The following MATCAP2 variants were observed in gnomAD, a reference collection of about 807,000 sequenced individuals.
MATCAP2 encodes putative tyrosine carboxypeptidase MATCAP2.
chr7:36,356,822 T>C, the MATCAP2 span: 2 of 1,164,148 alleles, frequency 1.7e-6, no homozygotes, highest in Non-Finnish European at 2.6e-6. Context: ...TTTTTAAATG[T>C]CTTTGTTTTT....
At chr7:36,369,694 A>T in the MATCAP2 span, among the ~76,000 whole-genome samples, 2 of 152,226 alleles carry the variant, frequency 1.3e-5, no homozygotes, top group African/African-American at 4.8e-5. Context: ...TTTTTGGAGT[A>T]CATAACAAAA....
the MATCAP2 span, among the ~76,000 whole-genome samples, chr7:36,370,204 T>C: frequency 6.6e-6 from 1 of 152,242 alleles, no homozygotes. Context: ...TGTTAATTAC[T>C]GATTCGTGCT....
the MATCAP2 span, among the ~76,000 whole-genome samples, chr7:36,350,583 G>A: frequency 2.1e-5 from 3 of 144,546 alleles, no homozygotes; most frequent in Non-Finnish European, 3.0e-5. Context: ...CACCCAGGCT[G>A]TAGTGCAATG....
chr7:36,333,819 C>A, the MATCAP2 span: 1 of 1,499,358 alleles, frequency 6.7e-7, no homozygotes, highest in South Asian at 1.3e-5. Flanking sequence ...GACAACTAGT[C>A]AGTAAGTCAG....
chr7:36,358,499 T>C, the MATCAP2 span, among the ~76,000 whole-genome samples: 1 of 152,216 alleles, frequency 6.6e-6, no homozygotes, highest in South Asian at 2.1e-4. Flanking sequence ...GGTTTTTTCT[T>C]GGCAAGTTAG....
chr7:36,333,750 C>A, the MATCAP2 span: 1 of 1,023,712 alleles, frequency 9.8e-7, no homozygotes. Flanking sequence ...ACAAAGATTT[C>A]ATTTTTTTAA....
chr7:36,370,475 T>A, the MATCAP2 span, among the ~76,000 whole-genome samples: 1 of 152,190 alleles, frequency 6.6e-6, no homozygotes, highest in Admixed American at 6.5e-5. Context: ...TTTTTATTTT[T>A]ATTTATTTAT....
At chr7:36,341,256 A>G in the MATCAP2 span, among the ~76,000 whole-genome samples, 1 of 152,186 alleles carries the variant, frequency 6.6e-6, no homozygotes, top group Non-Finnish European at 1.5e-5. Context: ...TCTCTTCTCC[A>G]TTATATCATC....
At chr7:36,344,337 AT>A in the MATCAP2 span, among the ~76,000 whole-genome samples, 9 of 152,380 alleles carry the variant, frequency 5.9e-5, no homozygotes, top group East Asian at 1.5e-3. Flanking sequence ...TGATGCTGAC[AT>A]AAAAAATGTT....
At chr7:36,377,621 G>A in the MATCAP2 span, among the ~76,000 whole-genome samples, 1 of 152,104 alleles carries the variant, frequency 6.6e-6, no homozygotes, top group East Asian at 1.9e-4. Context: ...GGTGTTCTCT[G>A]TATTTCCTGA....
the MATCAP2 span, among the ~76,000 whole-genome samples, chr7:36,385,569 G>A: frequency 2.0e-5 from 3 of 152,184 alleles, no homozygotes; most frequent in East Asian, 5.8e-4. Flanking sequence ...AGGATCATTT[G>A]AGGCCAGGAG....
At chr7:36,344,569 C>T in the MATCAP2 span, among the ~76,000 whole-genome samples, 6 of 152,166 alleles carry the variant, frequency 3.9e-5, no homozygotes, top group Non-Finnish European at 8.8e-5. Context: ...TGGTTAAGTG[C>T]CTTCTACTTT....
the MATCAP2 span, among the ~76,000 whole-genome samples, chr7:36,373,004 C>T: frequency 6.0e-5 from 9 of 151,044 alleles, no homozygotes; most frequent in South Asian, 8.4e-4. Context: ...ACTCGGGAGG[C>T]TGAGCCAGGA....
At chr7:36,383,972 T>A in the MATCAP2 span, 1 of 1,113,454 alleles carries the variant, frequency 9.0e-7, no homozygotes. Flanking sequence ...ACTTTGTGAA[T>A]TAAGTATAAA....
At chr7:36,358,712 C>T in the MATCAP2 span, among the ~76,000 whole-genome samples, 2 of 152,206 alleles carry the variant, frequency 1.3e-5, no homozygotes, top group Non-Finnish European at 2.9e-5. Context: ...TAATTCAGCA[C>T]ATGGCTCTGA....
the MATCAP2 span, chr7:36,356,925 C>T: frequency 1.1e-5 from 17 of 1,614,124 alleles, no homozygotes; most frequent in South Asian, 6.6e-5. Flanking sequence ...CGGTCAGATG[C>T]GTGGCTATGC....
At chr7:36,375,566 C>T in the MATCAP2 span, among the ~76,000 whole-genome samples, 1 of 152,158 alleles carries the variant, frequency 6.6e-6, no homozygotes, top group Non-Finnish European at 1.5e-5. Flanking sequence ...TGTTGTGTCT[C>T]TGCCAGGCTT....
chr7:36,330,066 TTTTATTTTATTTATTTA>T, the MATCAP2 span, among the ~76,000 whole-genome samples: 1 of 143,076 alleles, frequency 7.0e-6, no homozygotes, highest in African/African-American at 2.5e-5. Flanking sequence ...TTTTATTTTA[TTTTATTTTATTTATTTA>T]TTTATTTATT....
the MATCAP2 span, chr7:36,326,738 A>T: frequency 3.1e-6 from 5 of 1,601,996 alleles, no homozygotes; most frequent in Non-Finnish European, 4.3e-6. Flanking sequence ...TAGCTTAGCT[A>T]TGTTTGCCAG....
Sources: allele counts gnomAD v4.1 joint callset (sites outside exome capture counted in the v4.1 genomes callset), GRCh38; gene constraint gnomAD v4.1.1; transcripts MANE v1.5; gene names NCBI Gene and HGNC (gene_info 2026-07-23, HGNC 2026-07-21).